Variants in PLPPR5 observed in about 807,000 individuals in gnomAD.
PLPPR5 encodes phospholipid phosphatase-related protein type 5.
A neutral mutation model predicts 33.9 loss-of-function variants in PLPPR5; 16 were observed. The observed-to-expected ratio is 0.47, with a 90% CI of 0.32 to 0.72. PLPPR5 has a LOEUF of 0.72. Ranked by LOEUF, PLPPR5 falls within the 30% of genes least tolerant of loss-of-function variation. The pLI, the probability that PLPPR5 is intolerant of heterozygous loss-of-function variation, is 0.03. For missense variants in PLPPR5, 301 were observed against 406.7 expected (o/e 0.74, Z 2.23); for synonymous variants, 163 against 150.3 (o/e 1.08, Z -0.62).
chr1:98,927,492 T>C (rs1649810840), intron 3 of PLPPR5, among the ~76,000 whole-genome samples: 1 of 152,220 alleles, frequency 6.6e-6, no homozygotes, highest in Non-Finnish European at 1.5e-5. Flanking sequence ...AAGATCCTTT[T>C]GTCTCCAGCA....
At chr1:98,929,117 A>G (rs1365422370) in intron 3 of PLPPR5, among the ~76,000 whole-genome samples, 1 of 152,128 alleles carries the variant, frequency 6.6e-6, no homozygotes, top group Non-Finnish European at 1.5e-5. Context: ...TCTACCACCA[A>G]TTAGCTCTGT....
chr1:98,963,739 T>G (rs1239205939), intron 1 of PLPPR5, among the ~76,000 whole-genome samples: 1 of 152,094 alleles, frequency 6.6e-6, no homozygotes, highest in African/African-American at 2.4e-5. Context: ...TCTCTACAGT[T>G]TCAAAAGATA....
rs12063815 is a variant in PLPPR5, at chr1:98,954,511, A to C, written c.371-1191T>G. Among the ~76,000 whole-genome samples the C allele has an allele frequency of 9.5e-3, 1,442 of 152,254 alleles. 23 individuals are homozygous for C. The highest frequency in any genetic ancestry group is 0.033 in the African/African-American group (1,359 of 41,566). Reference sequence around the variant, plus strand: ...ATCACCATAAAAGTTGTACCAGATCAAATAATTTTCCAGTATTAGATGCAT... The same window carrying C: ...ATCACCATAAAAGTTGTACCAGATCCAATAATTTTCCAGTATTAGATGCAT... On this transcript the variant is annotated intron_variant, in intron 2 of 5. Coordinates refer to ENST00000263177, the MANE Select transcript of PLPPR5 (RefSeq NM_001037317.2).
At chr1:98,937,712 A>G (rs1650225109) in intron 3 of PLPPR5, among the ~76,000 whole-genome samples, 1 of 152,206 alleles carries the variant, frequency 6.6e-6, no homozygotes, top group South Asian at 2.1e-4. Flanking sequence ...TTAAGGTTGG[A>G]AACACCATGG....
At chr1:99,002,957 CTTT>C (rs756416172) in intron 1 of PLPPR5, among the ~76,000 whole-genome samples, 1 of 142,122 alleles carries the variant, frequency 7.0e-6, no homozygotes, top group African/African-American at 2.6e-5. Context: ...AAAAATCGAC[CTTT>C]TTTTTTTTCT....
intron 3 of PLPPR5, among the ~76,000 whole-genome samples, chr1:98,945,137 T>C (rs1650506051): frequency 6.6e-6 from 1 of 152,200 alleles, no homozygotes; most frequent in Admixed American, 6.5e-5. Context: ...AAGTTAAAAA[T>C]ACTTAGAAGT....
At chr1:98,932,747 G>T (rs899299853) in intron 3 of PLPPR5, among the ~76,000 whole-genome samples, 1 of 152,160 alleles carries the variant, frequency 6.6e-6, no homozygotes. Flanking sequence ...ACATTAGTTG[G>T]TTATAATGAG....
chr1:98,980,427 G>C (rs1357206034), intron 1 of PLPPR5, among the ~76,000 whole-genome samples: 1 of 152,018 alleles, frequency 6.6e-6, no homozygotes, highest in Non-Finnish European at 1.5e-5. Flanking sequence ...TTGTGTAAAA[G>C]CCTGTCTTAT....
At chr1:98,941,036 C>T (rs1336908365) in intron 3 of PLPPR5, among the ~76,000 whole-genome samples, 1 of 151,712 alleles carries the variant, frequency 6.6e-6, no homozygotes, top group Non-Finnish European at 1.5e-5. Context: ...GGCGTAAAGT[C>T]TGGAGCTGAA....
At chr1:98,932,163 C>T (rs1052988925) in intron 3 of PLPPR5, among the ~76,000 whole-genome samples, 6 of 152,180 alleles carry the variant, frequency 3.9e-5, no homozygotes, top group Admixed American at 3.9e-4. Flanking sequence ...AGACATATGA[C>T]AAGAATCAAG....
Position 98,915,483 on chromosome 1 carries a change from C to T in PLPPR5, c.799-563G>A, listed in dbSNP as rs1425536767. Among the ~76,000 whole-genome samples, 4 of 151,874 alleles carry T rather than the reference C, an allele frequency of 2.6e-5. No homozygotes were observed. In the East Asian group the frequency reaches 7.7e-4, roughly 29 times the overall value. ...CTGGGGCTACCACTGAAATAGAAAA[C>T]CCTCCGCATAAAACATGTATACATA... On this transcript the variant is annotated intron_variant, in intron 4 of 5. Transcript: ENST00000263177.
chr1:98,963,067 A>G (rs923821221), intron 1 of PLPPR5, among the ~76,000 whole-genome samples: 1 of 152,158 alleles, frequency 6.6e-6, no homozygotes, highest in South Asian at 2.1e-4. Flanking sequence ...AGCAATTCCT[A>G]CATAGCCTTC....
intron 3 of PLPPR5, among the ~76,000 whole-genome samples, chr1:98,924,533 G>C (rs1649680965): frequency 6.6e-6 from 1 of 152,180 alleles, no homozygotes; most frequent in Non-Finnish European, 1.5e-5. Flanking sequence ...TCTGCTATTA[G>C]GGGGAAGTGG....
At chr1:99,000,355 A>T (rs1652788044) in intron 1 of PLPPR5, among the ~76,000 whole-genome samples, 2 of 152,226 alleles carry the variant, frequency 1.3e-5, no homozygotes, top group Admixed American at 6.5e-5. Flanking sequence ...ACCTAAAAAA[A>T]TGTCCTAAAC....
intron 1 of PLPPR5, among the ~76,000 whole-genome samples, chr1:98,961,653 C>T (rs748799062): frequency 6.6e-6 from 1 of 152,182 alleles, no homozygotes; most frequent in Non-Finnish European, 1.5e-5. Context: ...CAGTACTAGG[C>T]ACAAAGTAGG....
chr1:98,911,124 C>A (rs1649131274), intron 5 of PLPPR5, among the ~76,000 whole-genome samples: 1 of 152,150 alleles, frequency 6.6e-6, no homozygotes, highest in Admixed American at 6.5e-5. Context: ...TTCTCAGCAC[C>A]TGGCCTTGTG....
chr1:98,945,436 T>A (rs557146271), intron 3 of PLPPR5, among the ~76,000 whole-genome samples: 1 of 152,316 alleles, frequency 6.6e-6, no homozygotes, highest in South Asian at 2.1e-4. Context: ...TGTGAGGCAC[T>A]GCACTCTGGG....
chr1:98,953,994 CTA>C (rs925623453), intron 2 of PLPPR5, among the ~76,000 whole-genome samples: 43 of 152,138 alleles, frequency 2.8e-4, no homozygotes, highest in African/African-American at 9.2e-4. Context: ...CCAATGTGGG[CTA>C]TTTAGTAAAC....
chr1:98,986,656 T>G (rs928117019), intron 1 of PLPPR5, among the ~76,000 whole-genome samples: 1 of 151,862 alleles, frequency 6.6e-6, no homozygotes, highest in African/African-American at 2.4e-5. Context: ...CTGTAGAATA[T>G]TTGTGGAAGA....
Sources: gnomAD v4.1 joint callset for allele counts (sites outside exome capture counted in the v4.1 genomes callset) on GRCh38, gnomAD v4.1.1 for gene constraint, MANE v1.5 for transcripts, NCBI Gene and HGNC (gene_info 2026-07-23, HGNC 2026-07-21) for gene names.